The following TMEM115 variants were observed in gnomAD, a reference collection of about 807,000 sequenced individuals.
TMEM115 encodes the protein PP6.
TMEM115 carries 8 observed loss-of-function variants against 20.1 expected under a neutral mutation model. The observed-to-expected ratio is 0.40, with a 90% CI of 0.23 to 0.72. The LOEUF (loss-of-function observed/expected upper bound fraction) is 0.72, where lower values mean the gene tolerates loss of function less well. Ranked by LOEUF, TMEM115 falls within the 30% of genes least tolerant of loss-of-function variation. The pLI is 0.39. For missense variants in TMEM115, 374 were observed against 455.1 expected (o/e 0.82, Z 1.62); for synonymous variants, 229 against 206.2 (o/e 1.11, Z -0.95).
In TMEM115 at chr3:50,359,337, G is replaced by C; in HGVS notation, c.-274C>G. On this transcript the variant is annotated 5_prime_UTR_variant, in exon 1 of 2. Coordinates refer to ENST00000266025, the MANE Select transcript of TMEM115 (RefSeq NM_007024.5). Reference sequence around the variant, plus strand: ...CCCGCCTACCCACCCTGTAGGCCCCGTGCCAGGCTAGCCTGGTTGGCGTTG... The same window carrying C: ...CCCGCCTACCCACCCTGTAGGCCCCCTGCCAGGCTAGCCTGGTTGGCGTTG... 4.1e-6 allele frequency: 2 copies of C among 488,178 alleles called. No homozygotes were observed. The highest frequency in any genetic ancestry group is 7.3e-6 in the Non-Finnish European group (2 of 273,348). 30.2% of individuals were successfully genotyped at this position (488,178 alleles called of 1,614,324 possible). A position where few individuals can be genotyped will look rare whatever the true frequency, so the allele number is the denominator to read the frequency against.
chr3:50,359,224 C>G lies in TMEM115; in HGVS notation c.-161G>C. On this transcript the variant is annotated 5_prime_UTR_variant, in exon 1 of 2. Coordinates refer to ENST00000266025, the MANE Select transcript of TMEM115 (RefSeq NM_007024.5). ...TTCCGATCGGGTGGGGCTCTGGTCC[C>G]GAGGGGCCGAGTCGGGCCTTGTTGC... is the stretch of plus-strand genomic sequence containing the variant. 1 of 1,181,968 alleles carries G rather than the reference C, an allele frequency of 8.5e-7. No individual in the cohort carries two copies. Among genetic ancestry groups the G allele is most frequent in the Non-Finnish European group, 1.1e-6 (1 of 871,366 alleles). 73.2% of individuals were successfully genotyped at this position (1,181,968 alleles called of 1,614,324 possible).
At position 50,358,472 on chromosome 3, in the gene TMEM115, G is replaced by C. The variant is rs1703911642; in HGVS notation, c.592C>G (p.Leu198Val). The C allele has an allele frequency of 1.2e-6, 2 of 1,613,296 alleles. No homozygotes were observed. Among genetic ancestry groups the C allele is most frequent in the African/African-American group, 1.3e-5 (1 of 75,042 alleles). Residue 198 changes from leucine (L) to valine (V), a missense_variant, in exon 1 of 2, where the codon CTG (leucine) becomes GTG (valine). Transcript: ENST00000266025. ...CGAAGATATACCCAACTGGAGAGCA[G>C]CCCGAAGCCATAGGAAGCCAGCGCC... ...SPALASYGFG[L>V]LSSWVYLRFY...
Position 50,358,985 on chromosome 3 carries a change from A to G in TMEM115, c.79T>C (p.Cys27Arg). Residue 27 changes from cysteine to arginine, a missense_variant, in exon 1 of 2, where the codon TGT becomes CGT. Cys to Arg is a radical substitution (Grantham distance 180). Transcript: ENST00000266025. ...ASASVVVKALCAAVLFLYLLS... is the reference protein window; with the variant it reads ...ASASVVVKALRAAVLFLYLLS... ...AGGTAGAGGAATAGTACCGCCGCAC[A>G]CAGAGCCTTCACCACCACGCTGGCG... The G allele has an allele frequency of 6.3e-7, 1 of 1,595,994 alleles. No individual in the cohort carries two copies. Among genetic ancestry groups the G allele is most frequent in the Non-Finnish European group, 8.5e-7 (1 of 1,171,736 alleles).
intron 1 of TMEM115, 102 bp from the exon 2 acceptor site, chr3:50,355,649 C>T (rs1703857726): frequency 2.0e-6 from 2 of 1,016,204 alleles, no homozygotes; most frequent in African/African-American, 1.7e-5. Context: ...CACCTAGACT[C>T]CTCCCCCAGA....
Position 50,358,250 on chromosome 3 carries a change from G to A in TMEM115, c.814C>T (p.Leu272=). 1 of 1,613,828 alleles carries A rather than the reference G, an allele frequency of 6.2e-7. No individual in the cohort carries two copies. Among genetic ancestry groups the A allele is most frequent in the Non-Finnish European group, 8.5e-7 (1 of 1,179,964 alleles). Residue 272 remains leucine, a synonymous_variant, in exon 1 of 2, where the codon CTG becomes TTG. Transcript: ENST00000266025. ...VGAPSSITIS[L]PGTDPQDAER... ...GCGTCTTGAGGGTCTGTGCCTGGCA[G>A]GCTGATGGTGATGGAGGATGGGGCA...
chr3:50,355,445 C>T lies in TMEM115; in HGVS notation c.954G>A (p.Val318=). ...DDDEEESGAK[V]DSPLPSDKAP... ...CTTTGTCTGAGGGCAGGGGGCTGTC[C>T]ACCTTGGCCCCAGACTCCTCTTCAT... is the stretch of plus-strand genomic sequence containing the variant. Residue 318 remains valine, a synonymous_variant, in exon 2 of 2, where the codon GTG becomes GTA. Transcript: ENST00000266025. The T allele has an allele frequency of 1.2e-6, 2 of 1,603,580 alleles. No individual in the cohort carries two copies. Among genetic ancestry groups the T allele is most frequent in the Middle Eastern group, 1.7e-4 (1 of 6,034 alleles).
At chr3:50,358,012 A>C (rs1703903678) in intron 1 of TMEM115, 2 of 641,482 alleles carry the variant, frequency 3.1e-6, no homozygotes, top group African/African-American at 3.7e-5. Context: ...AAGTGGCCCG[A>C]GTGGTGAGAA....
Position 50,358,221 on chromosome 3 carries a change from C to T in TMEM115, c.843G>A (p.Glu281=), listed in dbSNP as rs1703906242. 4 of 1,612,482 alleles carry T rather than the reference C, an allele frequency of 2.5e-6. No homozygotes were observed. Among genetic ancestry groups the T allele is most frequent in the Non-Finnish European group, 3.4e-6 (4 of 1,178,866 alleles). The change falls in exon 1 of 2, where the codon GAG becomes GAA. Residue 281 remains glutamate (E), a synonymous_variant. Transcript: ENST00000266025. Reference sequence around the variant, plus strand: ...GGAAAATTTCACAGTACCTTCTCCGCTCGGCGTCTTGAGGGTCTGTGCCTG... The same window carrying T: ...GGAAAATTTCACAGTACCTTCTCCGTTCGGCGTCTTGAGGGTCTGTGCCTG... ...SLPGTDPQDA[E]RRRQLALKAL...
chr3:50,357,927 G>A (rs1703902784), intron 1 of TMEM115, among the ~76,000 whole-genome samples: 1 of 152,238 alleles, frequency 6.6e-6, no homozygotes, highest in Admixed American at 6.5e-5. Context: ...GAGATTCTGA[G>A]GCAAGGCCAG....
chr3:50,358,226 C>G lies in TMEM115; in HGVS notation c.838G>C (p.Ala280Pro), dbSNP rs778601289. ...ISLPGTDPQD[A>P]ERRRQLALKA... ...ATTTCACAGTACCTTCTCCGCTCGG[C>G]GTCTTGAGGGTCTGTGCCTGGCAGG... The change falls in exon 1 of 2, where the codon GCC becomes CCC. Residue 280 changes from alanine to proline, a missense_variant. Ala to Pro is a conservative substitution (Grantham distance 27). Coordinates refer to ENST00000266025, the MANE Select transcript of TMEM115 (RefSeq NM_007024.5). 1 of 1,612,534 alleles carries G rather than the reference C, an allele frequency of 6.2e-7. No homozygotes were observed. Among genetic ancestry groups the G allele is most frequent in the Non-Finnish European group, 8.5e-7 (1 of 1,178,944 alleles).
At position 50,359,421 on chromosome 3, in the gene TMEM115, G is replaced by A. The variant is rs1007667467; in HGVS notation, c.-358C>T. The A allele has an allele frequency of 4.1e-6, 1 of 246,790 alleles. No individual in the cohort carries two copies. The highest frequency in any genetic ancestry group is 7.9e-6 in the Non-Finnish European group (1 of 126,168). The allele number at this position is 246,790 out of a possible 1,614,324, so 15.3% of individuals were successfully genotyped here. On this transcript the variant is annotated 5_prime_UTR_variant, in exon 1 of 2. Coordinates refer to ENST00000266025, the MANE Select transcript of TMEM115 (RefSeq NM_007024.5). Reference sequence around the variant, plus strand: ...GGCCCTTCGGTTCGCAAGGGGACTGGTGCCTCGTTCTGTACCCGAGTCAAG... The same window carrying A: ...GGCCCTTCGGTTCGCAAGGGGACTGATGCCTCGTTCTGTACCCGAGTCAAG...
intron 1 of TMEM115, 177 bp downstream of exon 1, chr3:50,358,036 A>T: frequency 2.6e-6 from 2 of 782,266 alleles, no homozygotes; most frequent in Non-Finnish European, 2.0e-6. Flanking sequence ...TGCCTCGTGG[A>T]CCCCAGACAC....
chr3:50,359,227 G>C lies in TMEM115; in HGVS notation c.-164C>G. On this transcript the variant is annotated 5_prime_UTR_variant, in exon 1 of 2. Transcript: ENST00000266025. ...CGATCGGGTGGGGCTCTGGTCCCGA[G>C]GGGCCGAGTCGGGCCTTGTTGCCGG... is the stretch of plus-strand genomic sequence containing the variant. 1 of 1,182,894 alleles carries C rather than the reference G, an allele frequency of 8.5e-7. No individual in the cohort carries two copies. The highest frequency in any genetic ancestry group is 1.1e-6 in the Non-Finnish European group (1 of 871,974). The allele number at this position is 1,182,894 out of a possible 1,614,324, so 73.3% of individuals were successfully genotyped here.
In TMEM115 at chr3:50,358,632, G is replaced by A. The variant is rs746192306; in HGVS notation, c.432C>T (p.Gly144=). 6.1e-5 allele frequency: 98 copies of A among 1,612,702 alleles called. No homozygotes were observed. In the Admixed American group the frequency reaches 1.4e-3, roughly 23 times the overall value. ...RIHGALGFLG[G]VLVALKQTMG... ...TGGTTTGCTTGAGTGCCACCAGGAC[G>A]CCACCTAGGAAGCCCAAGGCGCCGT... Residue 144 remains glycine, a synonymous_variant, in exon 1 of 2, where the codon GGC becomes GGT. Coordinates refer to ENST00000266025, the MANE Select transcript of TMEM115 (RefSeq NM_007024.5).
In TMEM115 at chr3:50,359,077, G is replaced by A; in HGVS notation, c.-14C>T. The A allele has an allele frequency of 6.5e-7, 1 of 1,544,234 alleles. No individual in the cohort carries two copies. Among genetic ancestry groups the A allele is most frequent in the Admixed American group, 2.0e-5 (1 of 50,820 alleles). On this transcript the variant is annotated 5_prime_UTR_variant, in exon 1 of 2. Coordinates refer to ENST00000266025, the MANE Select transcript of TMEM115 (RefSeq NM_007024.5). ...GGCACGTTGCATCTTCCTGGCGGCT[G>A]TCGGCCTGAGAAAAGGGTCTGGTAG...
chr3:50,358,101 C>T, intron 1 of TMEM115, 112 bp downstream of exon 1: 1 of 1,432,898 alleles, frequency 7.0e-7, no homozygotes, highest in Non-Finnish European at 9.5e-7. Flanking sequence ...CGGATGTGCC[C>T]CAATACCTGA....
rs1703855269 is a variant in TMEM115, at chr3:50,355,499, G to A, written c.900C>T (p.Asp300=). 1 of 1,609,248 alleles carries A rather than the reference G, an allele frequency of 6.2e-7. No homozygotes were observed. Among genetic ancestry groups the A allele is most frequent in the Non-Finnish European group, 8.5e-7 (1 of 1,177,768 alleles). ...ALNERLKRVE[D]QSIWPSMDDD... is the part of the protein sequence containing the mutation. ...CATCCATGCTGGGCCAGATGGACTGGTCTTCCACTCTCTTCAGCCGCTCAT... is the reference window on the plus strand; with the variant it reads ...CATCCATGCTGGGCCAGATGGACTGATCTTCCACTCTCTTCAGCCGCTCAT... Residue 300 remains aspartate (D), a synonymous_variant, in exon 2 of 2, where the codon GAC becomes GAT. Coordinates refer to ENST00000266025, the MANE Select transcript of TMEM115 (RefSeq NM_007024.5).
chr3:50,356,188 G>C lies in TMEM115; in HGVS notation c.852-641C>G, dbSNP rs138615245. Among the ~76,000 whole-genome samples, 582 of 152,342 alleles carry C rather than the reference G, an allele frequency of 3.8e-3. 2 individuals carry two copies. Among genetic ancestry groups the C allele is most frequent in the Admixed American group, 8.4e-3 (128 of 15,304 alleles). ...AGAGCAGGGACTTAGCGGAGCCCTT[G>C]CAAGAGGAGAAGAAGGAGAAACAGC... is the stretch of plus-strand genomic sequence containing the variant. On this transcript the variant is annotated intron_variant, in intron 1 of 1. Transcript: ENST00000266025.
chr3:50,356,226 G>A (rs1388599812), intron 1 of TMEM115, among the ~76,000 whole-genome samples: 1 of 152,240 alleles, frequency 6.6e-6, no homozygotes, highest in Non-Finnish European at 1.5e-5. Context: ...ACATGGGTAG[G>A]CACAGGCCAG....
Sources: allele counts gnomAD v4.1 joint callset (sites outside exome capture counted in the v4.1 genomes callset), GRCh38; gene constraint gnomAD v4.1.1; transcripts MANE v1.5; gene names NCBI Gene and HGNC (gene_info 2026-07-23, HGNC 2026-07-21).